Variants in BRF1 observed in about 807,000 individuals in gnomAD.
BRF1 encodes the protein BRF1 general transcription factor IIIB subunit, also known as transcription factor IIIB 90 kDa subunit.
In BRF1, 59 loss-of-function variants were observed where a neutral mutation model predicts 81.7. The observed-to-expected ratio is 0.72, with a 90% CI of 0.59 to 0.90. BRF1 has a LOEUF of 0.90. Ranked by LOEUF, BRF1 falls within the 40% of genes least tolerant of loss-of-function variation. BRF1 has a pLI of 0.00. For synonymous variants in BRF1, 491 were observed against 395.6 expected (o/e 1.24, Z -2.86); for missense variants, 1,050 against 936.3 (o/e 1.12, Z -1.58).
At chr14:105,226,491 T>G in intron 8 of BRF1, 143 bp downstream of exon 8, 1 of 1,499,300 alleles carries the variant, frequency 6.7e-7, no homozygotes, top group South Asian at 1.3e-5. Context: ...TCCCGGAGCC[T>G]CGGGCTCTGG....
chr14:105,270,512 G>C (rs2056611363), intron 3 of BRF1, among the ~76,000 whole-genome samples: 1 of 151,670 alleles, frequency 6.6e-6, no homozygotes, highest in Non-Finnish European at 1.5e-5. Context: ...TTCAGGGTTG[G>C]ATGCAGTGGC....
At position 105,209,391 on chromosome 14, in the gene BRF1, G is replaced by C. The variant is rs1300976708; in HGVS notation, c.*1160C>G. ...CAGGCTGGCTACTGAGCTCTGGGCG[G>C]GGGTAGGGGGGTCTGGCCTGCTGCG... On this transcript the variant is annotated 3_prime_UTR_variant, in exon 18 of 18. Transcript: ENST00000547530. 3 of 636,608 alleles carry C rather than the reference G, an allele frequency of 4.7e-6. No individual in the cohort carries two copies. The highest frequency in any genetic ancestry group is 1.8e-5 in the African/African-American group (1 of 55,358). 39.4% of individuals were successfully genotyped at this position (636,608 alleles called of 1,614,324 possible). A position where few individuals can be genotyped will look rare whatever the true frequency, so the allele number is the denominator to read the frequency against.
intron 1 of BRF1, among the ~76,000 whole-genome samples, chr14:105,313,057 G>T (rs143538133): frequency 3.3e-5 from 5 of 152,160 alleles, no homozygotes; most frequent in Admixed American, 3.3e-4. Flanking sequence ...GAGGGGCACC[G>T]CTCAATGGTG....
At chr14:105,222,440 G>C (rs1326357603) in intron 10 of BRF1, 1 of 152,594 alleles carries the variant, frequency 6.6e-6, no homozygotes, top group East Asian at 1.9e-4. Flanking sequence ...CGACATATTG[G>C]TGTAAATGAA....
At chr14:105,293,535 T>C (rs2057607879) in intron 1 of BRF1, among the ~76,000 whole-genome samples, 1 of 152,220 alleles carries the variant, frequency 6.6e-6, no homozygotes, top group South Asian at 2.1e-4. Context: ...CATCACCTGC[T>C]GGCAGAGGGA....
At chr14:105,274,125 C>T (rs895544825) in intron 2 of BRF1, among the ~76,000 whole-genome samples, 3 of 152,152 alleles carry the variant, frequency 2.0e-5, no homozygotes, top group Non-Finnish European at 4.4e-5. Flanking sequence ...GATGTTTGGG[C>T]GGAGAGAAAC....
intron 5 of BRF1, chr14:105,249,679 G>A (rs762833486): frequency 3.7e-6 from 6 of 1,613,300 alleles, no homozygotes; most frequent in African/African-American, 2.7e-5. Flanking sequence ...AAGCCGACAC[G>A]GTGCTGGCCA....
chr14:105,217,941 C>G (rs1039361182), intron 14 of BRF1, 141 bp from the exon 15 acceptor site: 18 of 1,358,814 alleles, frequency 1.3e-5, no homozygotes, highest in Admixed American at 9.4e-5. Flanking sequence ...CTCCTCCCCC[C>G]AGAATGTGGG....
chr14:105,229,670 A>AC (rs1480971025), intron 6 of BRF1, among the ~76,000 whole-genome samples: 29 of 149,798 alleles, frequency 1.9e-4, no homozygotes, highest in Non-Finnish European at 3.4e-4. Flanking sequence ...GCCCCGTGGC[A>AC]CCCTCAGGAG....
At chr14:105,211,624 C>T (rs1243473590) in intron 16 of BRF1, 5 of 367,176 alleles carry the variant, frequency 1.4e-5, no homozygotes, top group South Asian at 4.0e-5. Flanking sequence ...CCTCAGCCCC[C>T]GGGGGCTTGG....
chr14:105,301,440 C>G (rs1166946375), upstream of BRF1, among the ~76,000 whole-genome samples: 2 of 145,024 alleles, frequency 1.4e-5, no homozygotes, highest in African/African-American at 5.2e-5. Flanking sequence ...GCGAGGGGGC[C>G]GAGCGTGGTG....
intron 3 of BRF1, among the ~76,000 whole-genome samples, chr14:105,270,008 G>A (rs1029182050): frequency 6.6e-5 from 10 of 152,122 alleles, no homozygotes; most frequent in African/African-American, 1.4e-4. Context: ...GGGTGGAGCC[G>A]GGGCAAGCAG....
intron 5 of BRF1, chr14:105,247,216 G>A (rs1428324188): frequency 9.1e-6 from 9 of 985,276 alleles, no homozygotes; most frequent in Non-Finnish European, 9.6e-6. Context: ...ACTTTCTCTC[G>A]GAACTTTCCG....
At chr14:105,249,345 G>A (rs1373558729) in intron 5 of BRF1, 6 of 1,606,748 alleles carry the variant, frequency 3.7e-6, no homozygotes, top group Admixed American at 1.7e-5. Context: ...TCACGGCGGC[G>A]CTTTCTCCTC....
intron 5 of BRF1, chr14:105,246,728 A>G: frequency 1.2e-6 from 1 of 832,712 alleles, no homozygotes; most frequent in African/African-American, 1.9e-5. Context: ...AAGTGCTGGG[A>G]TTACAGGCGT....
intron 1 of BRF1, among the ~76,000 whole-genome samples, chr14:105,293,953 CA>C (rs2057628272): frequency 6.6e-6 from 1 of 152,204 alleles, no homozygotes; most frequent in African/African-American, 2.4e-5. Context: ...AACGACAGCT[CA>C]GAGAGAAAGC....
chr14:105,250,341 A>G lies in BRF1; in HGVS notation c.544+2166T>C, dbSNP rs775976434. On this transcript the variant is annotated intron_variant, in intron 5 of 17. Transcript: ENST00000547530. Reference sequence around the variant, plus strand: ...GTATTTATTGCAGGGCTGGGCCTGTATGGCTCCAGCTCTGGGAAGGCTGAG... The same window carrying G: ...GTATTTATTGCAGGGCTGGGCCTGTGTGGCTCCAGCTCTGGGAAGGCTGAG... 6 of 1,613,554 alleles carry G rather than the reference A, an allele frequency of 3.7e-6. No individual in the cohort carries two copies. The Admixed American group carries it at 5.0e-5, about 13-fold the overall frequency.
At chr14:105,248,994 C>A (rs895688983) in intron 5 of BRF1, 3 of 998,070 alleles carry the variant, frequency 3.0e-6, no homozygotes, top group South Asian at 9.0e-5. Context: ...CGCGCCAGCG[C>A]CGCCGCCGCC....
chr14:105,294,585 A>AGT (rs2057658948), intron 1 of BRF1, among the ~76,000 whole-genome samples: 1 of 152,238 alleles, frequency 6.6e-6, no homozygotes, highest in African/African-American at 2.4e-5. Context: ...CAGTCCTAGG[A>AGT]AGATACCCAG....
Sources: gnomAD v4.1 joint callset for allele counts (sites outside exome capture counted in the v4.1 genomes callset) on GRCh38, gnomAD v4.1.1 for gene constraint, MANE v1.5 for transcripts, NCBI Gene and HGNC (gene_info 2026-07-23, HGNC 2026-07-21) for gene names.